The following INPP5A variants were observed in gnomAD, a reference collection of about 807,000 sequenced individuals.
INPP5A encodes inositol polyphosphate-5-phosphatase A, also known as 43 kDa inositol polyphosphate 5-phophatase.
INPP5A carries 14 observed loss-of-function variants against 65.2 expected under a neutral mutation model. That is an observed-to-expected ratio of 0.21 (90% confidence interval 0.14 to 0.34). The LOEUF (loss-of-function observed/expected upper bound fraction) is 0.34, where lower values mean the gene tolerates loss of function less well. Ranked by LOEUF, INPP5A falls within the 10% of genes least tolerant of loss-of-function variation. The probability of loss-of-function intolerance (pLI) is 1.00; values close to 1 mark genes in which losing one functional copy is unlikely to be tolerated. For synonymous variants in INPP5A, 207 were observed against 208.3 expected, an observed-to-expected ratio of 0.99 and a Z score of 0.05; for missense variants, 431 against 545.6, an observed-to-expected ratio of 0.79 and a Z score of 2.09.
At chr10:132,596,922 CGCGCATGTGCACGCATGTGT>C (rs2071703291) in intron 1 of INPP5A, among the ~76,000 whole-genome samples, 1 of 12,800 alleles carries the variant, frequency 7.8e-5, no homozygotes, top group Admixed American at 1.2e-3. Context: ...TGCATGTGTG[CGCGCATGTGCACGCATGTGT>C]GCGTGTGTGC....
Position 132,628,472 on chromosome 10 carries a change from G to GGC in INPP5A, c.118-17395_118-17394insCG, listed in dbSNP as rs1554937177. Among the ~76,000 whole-genome samples the GGC allele has an allele frequency of 2.0e-5, 3 of 150,448 alleles. 1 individual carries two copies. The highest frequency in any genetic ancestry group is 2.2e-4 in the South Asian group (1 of 4,640). ...AGATGTGCTCTGGTGGCGGGGGGGG[G>GGC]GGGGGGCGTGGCGTGGGGGACACGT... is the stretch of plus-strand genomic sequence containing the variant. On this transcript the variant is annotated intron_variant, in intron 2 of 15. Coordinates refer to ENST00000368594, the MANE Select transcript of INPP5A (RefSeq NM_005539.5).
In INPP5A at chr10:132,765,740, G is replaced by A. The variant is rs760576250; in HGVS notation, c.904-33G>A. 12 of 1,415,942 alleles carry A rather than the reference G, an allele frequency of 8.5e-6. No homozygotes were observed. In the South Asian group the frequency reaches 1.0e-4, roughly 12 times the overall value. 87.7% of individuals were successfully genotyped at this position (1,415,942 alleles called of 1,614,324 possible). A position where few individuals can be genotyped will look rare whatever the true frequency, so the allele number is the denominator to read the frequency against. ...CGTGCCCCCAGCGAGGAAAACCAAT[G>A]TGACTTTATTTTCTGCTCTTTCTTT... On this transcript the variant is annotated intron_variant, in intron 11 of 15. Coordinates refer to ENST00000368594, the MANE Select transcript of INPP5A (RefSeq NM_005539.5).
intron 9 of INPP5A, among the ~76,000 whole-genome samples, chr10:132,729,710 A>G (rs1846048348): frequency 6.6e-6 from 1 of 152,242 alleles, no homozygotes; most frequent in African/African-American, 2.4e-5. Flanking sequence ...TGGGGAGGGC[A>G]CTGGCCTGAA....
intron 4 of INPP5A, among the ~76,000 whole-genome samples, chr10:132,666,583 GCT>G (rs1331510582): frequency 2.6e-5 from 4 of 152,198 alleles, no homozygotes; most frequent in East Asian, 1.9e-4. Flanking sequence ...TTGCAGTGGG[GCT>G]CTCTTTCCTT....
chr10:132,722,640 T>A (rs1845907961), intron 8 of INPP5A, among the ~76,000 whole-genome samples: 1 of 152,152 alleles, frequency 6.6e-6, no homozygotes, highest in Non-Finnish European at 1.5e-5. Context: ...AGGTCGCAGT[T>A]GTCCTGGAGA....
chr10:132,710,585 G>GGT, intron 8 of INPP5A, 129 bp downstream of exon 8: 2 of 1,279,066 alleles, frequency 1.6e-6, no homozygotes, highest in Non-Finnish European at 2.2e-6. Context: ...TGGACAGGTA[G>GGT]GTGGGGTGGA....
chr10:132,723,956 G>A (rs1453551867), intron 8 of INPP5A, among the ~76,000 whole-genome samples: 12 of 151,960 alleles, frequency 7.9e-5, no homozygotes, highest in Admixed American at 7.9e-4. Flanking sequence ...CACTAGAATA[G>A]ATCAAACTTG....
intron 4 of INPP5A, among the ~76,000 whole-genome samples, chr10:132,660,460 T>G (rs1487984274): frequency 6.6e-6 from 1 of 152,148 alleles, no homozygotes; most frequent in African/African-American, 2.4e-5. Flanking sequence ...GGAAACTTCT[T>G]AGGAGGAAGA....
rs1286048363 is a variant in INPP5A, at chr10:132,644,215, A to AGCCCAC, written c.118-1641_118-1636dup. On this transcript the variant is annotated intron_variant, in intron 2 of 15. Transcript: ENST00000368594. This position sits in a 1 kb window ranked among gnomAD's most constrained non-coding sequence, Gnocchi z 6.5. ...TGTCTGGCCTCCTGAGTGCCCGGGG[A>AGCCCAC]GCCCACGCCCACGCCCAGGAGGGAG... Among the ~76,000 whole-genome samples, 2 of 152,168 alleles carry AGCCCAC rather than the reference A, an allele frequency of 1.3e-5. No individual in the cohort carries two copies. Among genetic ancestry groups the AGCCCAC allele is most frequent in the African/African-American group, 4.8e-5 (2 of 41,434 alleles).
In INPP5A at chr10:132,547,346, C is replaced by T. The variant is rs2070990388; in HGVS notation, c.75+9175C>T. Among the ~76,000 whole-genome samples the T allele has an allele frequency of 6.6e-6, 1 of 152,168 alleles. No homozygotes were observed. Reference sequence around the variant, plus strand: ...GGTCCCTGGAGGGGCTCTCTCCATCCTCTTCCTGGCGTCAGGTGTTCTCGG... The same window carrying T: ...GGTCCCTGGAGGGGCTCTCTCCATCTTCTTCCTGGCGTCAGGTGTTCTCGG... On this transcript the variant is annotated intron_variant, in intron 1 of 15. Coordinates refer to ENST00000368594, the MANE Select transcript of INPP5A (RefSeq NM_005539.5). The surrounding 1 kb of genome is among the most constrained non-coding windows in gnomAD (Gnocchi z 5.5).
In INPP5A at chr10:132,575,811, C is replaced by G. The variant is rs2071406439; in HGVS notation, c.76-32104C>G. Among the ~76,000 whole-genome samples the G allele has an allele frequency of 6.6e-6, 1 of 152,088 alleles. No individual in the cohort carries two copies. The highest frequency in any genetic ancestry group is 1.5e-5 in the Non-Finnish European group (1 of 68,006). Reference sequence around the variant, plus strand: ...CCTGGCAGTGGGGAGTGTGTGGTCCCCTAGTGACACCGCCTGCTCTGTGGC... The same window carrying G: ...CCTGGCAGTGGGGAGTGTGTGGTCCGCTAGTGACACCGCCTGCTCTGTGGC... On this transcript the variant is annotated intron_variant, in intron 1 of 15. Coordinates refer to ENST00000368594, the MANE Select transcript of INPP5A (RefSeq NM_005539.5). This position sits in a 1 kb window ranked among gnomAD's most constrained non-coding sequence, Gnocchi z 5.4.
chr10:132,627,336 G>A lies in INPP5A; in HGVS notation c.118-18532G>A, dbSNP rs2072198501. Among the ~76,000 whole-genome samples, 1 of 152,110 alleles carries A rather than the reference G, an allele frequency of 6.6e-6. No individual in the cohort carries two copies. The highest frequency in any genetic ancestry group is 1.5e-5 in the Non-Finnish European group (1 of 68,032). On this transcript the variant is annotated intron_variant, in intron 2 of 15. Transcript: ENST00000368594. This position sits in a 1 kb window ranked among gnomAD's most constrained non-coding sequence, Gnocchi z 6.6. ...TGGGTGCTCCCAGGAGGCTTCACGG[G>A]GAGACCGGGGCCGGGAGCTGCTGCT...
At chr10:132,731,579 C>CCGTTTGTTGGTGT (rs1846087040) in intron 9 of INPP5A, among the ~76,000 whole-genome samples, 2 of 152,160 alleles carry the variant, frequency 1.3e-5, no homozygotes, top group Admixed American at 1.3e-4. Flanking sequence ...TTCGCTGGTG[C>CCGTTTGTTGGTGT]CGTTTGTTGG....
intron 1 of INPP5A, among the ~76,000 whole-genome samples, chr10:132,590,334 G>C (rs993903106): frequency 1.3e-5 from 2 of 152,108 alleles, no homozygotes; most frequent in Non-Finnish European, 2.9e-5. Flanking sequence ...GCCGTTCTGT[G>C]TGGGGAGGGA....
At chr10:132,770,150 CCCTCGTGG>C (rs1340454068) in intron 12 of INPP5A, among the ~76,000 whole-genome samples, 1 of 152,164 alleles carries the variant, frequency 6.6e-6, no homozygotes, top group African/African-American at 2.4e-5. Flanking sequence ...CATTGCTCAC[CCCTCGTGG>C]CCTCAGCGTC....
rs1845390725 is a variant in INPP5A, at chr10:132,698,969, C to T, written c.474+1050C>T. 6.6e-6 allele frequency among the ~76,000 whole-genome samples: 1 copy of T among 152,252 alleles called. No homozygotes were observed. The highest frequency in any genetic ancestry group is 1.5e-5 in the Non-Finnish European group (1 of 68,044). Reference sequence around the variant, plus strand: ...CTGTCACCCTGTGGCTCGGCCTCCTCATCCGTCTTCCCAAGGCCAAGGACG... The same window carrying T: ...CTGTCACCCTGTGGCTCGGCCTCCTTATCCGTCTTCCCAAGGCCAAGGACG... On this transcript the variant is annotated intron_variant, in intron 6 of 15. Coordinates refer to ENST00000368594, the MANE Select transcript of INPP5A (RefSeq NM_005539.5). The surrounding 1 kb of genome is among the most constrained non-coding windows in gnomAD (Gnocchi z 5.5).
Position 132,763,658 on chromosome 10 carries a change from T to C in INPP5A, c.904-2115T>C, listed in dbSNP as rs76083849. On this transcript the variant is annotated intron_variant, in intron 11 of 15. Transcript: ENST00000368594. Reference sequence around the variant, plus strand: ...AAACATGCCTGCATGCACACACACATGCCTGTGCACACATAAACACGTGCC... The same window carrying C: ...AAACATGCCTGCATGCACACACACACGCCTGTGCACACATAAACACGTGCC... Among the ~76,000 whole-genome samples the C allele has an allele frequency of 9.1e-4, 73 of 79,884 alleles. 1 individual carries two copies. The highest frequency in any genetic ancestry group is 8.4e-3 in the Admixed American group (71 of 8,456). The allele number at this position is 79,884 out of a possible 152,430, so 52.4% of individuals were successfully genotyped here. A position where few individuals can be genotyped will look rare whatever the true frequency, so the allele number is the denominator to read the frequency against.
chr10:132,691,324 A>G (rs1405101671), intron 5 of INPP5A, among the ~76,000 whole-genome samples: 3 of 152,192 alleles, frequency 2.0e-5, no homozygotes, highest in Non-Finnish European at 4.4e-5. Context: ...AAGCCCTTCT[A>G]TGAGGCCCGT....
At chr10:132,712,298 G>A (rs1022127853) in intron 8 of INPP5A, among the ~76,000 whole-genome samples, 1 of 152,114 alleles carries the variant, frequency 6.6e-6, no homozygotes, top group African/African-American at 2.4e-5. Flanking sequence ...GCATGTGAGT[G>A]TATGCACAGT....
Sources: gnomAD v4.1 joint callset for allele counts (sites outside exome capture counted in the v4.1 genomes callset) on GRCh38, gnomAD v4.1.1 for gene constraint, Gnocchi (gnomAD v3.1) non-coding constraint, MANE v1.5 for transcripts, NCBI Gene and HGNC (gene_info 2026-07-23, HGNC 2026-07-21) for gene names.